THUMPD3: variants seen among roughly 807,000 people sequenced by gnomAD.
THUMPD3 encodes the protein THUMP domain 3 tRNA guanosine methyltransferase.
In THUMPD3, 44 loss-of-function variants were observed where a neutral mutation model predicts 54.5. The observed-to-expected ratio is 0.81, with a 90% CI of 0.63 to 1.04. The LOEUF (loss-of-function observed/expected upper bound fraction) is 1.04, where lower values mean the gene tolerates loss of function less well. Among genes scored for constraint, THUMPD3 ranks in the 50% least tolerant of loss-of-function variants. The probability of loss-of-function intolerance (pLI) is 0.00; values close to 1 mark genes in which losing one functional copy is unlikely to be tolerated. For synonymous variants in THUMPD3, 196 were observed against 201.4 expected (o/e 0.97, Z 0.23); for missense variants, 604 against 601.3 (o/e 1.00, Z -0.05).
intron 4 of THUMPD3, among the ~76,000 whole-genome samples, chr3:9,372,425 C>G (rs2032124858): frequency 1.3e-5 from 2 of 151,824 alleles, no homozygotes; most frequent in Admixed American, 1.3e-4. Flanking sequence ...ACTAAAAATA[C>G]AAAAATTGGC....
rs2033234364 is a variant in THUMPD3 at position 9,384,976 on chromosome 3, CTAGAAA to C, written c.*291_*296del. 6.9e-6 allele frequency: 2 copies of C among 288,312 alleles called. No individual in the cohort carries two copies. The highest frequency in any genetic ancestry group is 8.5e-5 in the South Asian group (2 of 23,428). The allele number at this position is 288,312 out of a possible 1,614,324, so 17.9% of individuals were successfully genotyped here. ...CCAACATGGTGAAACCCTGTCTCTACTAGAAATACAAAAATTAGCCAGGTGTGGTGG... is the reference window on the plus strand; with the variant it reads ...CCAACATGGTGAAACCCTGTCTCTACTACAAAAATTAGCCAGGTGTGGTGG... On this transcript the variant is annotated 3_prime_UTR_variant, in exon 10 of 10. Coordinates refer to ENST00000452837, the MANE Select transcript of THUMPD3 (RefSeq NM_001114092.2).
chr3:9,366,834 T>A (rs2031601938), intron 2 of THUMPD3, 74 bp from the exon 3 acceptor site: 5 of 1,222,248 alleles, frequency 4.1e-6, no homozygotes, highest in Admixed American at 2.4e-5. Flanking sequence ...CCTAATTTTT[T>A]AAATACTTAA....
At chr3:9,364,879 T>C in intron 1 of THUMPD3, 137 bp from the exon 2 acceptor site, 1 of 640,376 alleles carries the variant, frequency 1.6e-6, no homozygotes, top group African/African-American at 1.8e-5. Flanking sequence ...TGCCCATGTT[T>C]ATTCAACCCT....
At chr3:9,379,545 G>A (rs2032719338) in intron 6 of THUMPD3, among the ~76,000 whole-genome samples, 1 of 152,124 alleles carries the variant, frequency 6.6e-6, no homozygotes, top group African/African-American at 2.4e-5. Flanking sequence ...CATTGTTCAG[G>A]CCTAGGGTCA....
intron 3 of THUMPD3, among the ~76,000 whole-genome samples, chr3:9,369,309 C>CAAAAAAAAA (rs779602979): frequency 3.3e-5 from 2 of 60,838 alleles, no homozygotes; most frequent in Non-Finnish European, 2.8e-5. Context: ...GACTCCGTCT[C>CAAAAAAAAA]AAAAAAAAAA....
chr3:9,377,203 CGTGT>C (rs137922488), intron 5 of THUMPD3, among the ~76,000 whole-genome samples: 6 of 148,786 alleles, frequency 4.0e-5, no homozygotes, highest in Admixed American at 6.7e-5. Context: ...TATGCATGAG[CGTGT>C]GTGTGTGTGT....
At position 9,365,309 on chromosome 3, in the gene THUMPD3, A is replaced by G. The variant is rs2031448960; in HGVS notation, c.241A>G (p.Ser81Gly). 1 of 1,614,238 alleles carries G rather than the reference A, an allele frequency of 6.2e-7. No homozygotes were observed. The highest frequency in any genetic ancestry group is 1.7e-5 in the Admixed American group (1 of 60,032). ...GKIYFVISVE[S>G]LAQVHCLRSV... is the part of the protein sequence containing the mutation. ...GATATATTTTGTCATTTCAGTGGAA[A>G]GTCTGGCACAGGTTTGAATGGAGCA... Residue 81 changes from serine to glycine, a missense_variant, in exon 2 of 10, where the codon AGT becomes GGT. Transcript: ENST00000452837.
At chr3:9,384,068 A>C (rs1381024849) in intron 8 of THUMPD3, 144 bp from the exon 9 acceptor site, 5 of 1,035,580 alleles carry the variant, frequency 4.8e-6, no homozygotes, top group African/African-American at 4.8e-5. Flanking sequence ...AACTTATTTC[A>C]TAGACATGTA....
Position 9,377,374 on chromosome 3 carries a change from A to G in THUMPD3, c.939-445A>G, listed in dbSNP as rs553478307. ...CAACATATCATTATAAATTGATTTT[A>G]TTTATTTATTTATTTATTTTTGAGA... is the stretch of plus-strand genomic sequence containing the variant. On this transcript the variant is annotated intron_variant, in intron 5 of 9. Coordinates refer to ENST00000452837, the MANE Select transcript of THUMPD3 (RefSeq NM_001114092.2). 7.9e-5 allele frequency among the ~76,000 whole-genome samples: 12 copies of G among 151,798 alleles called. No homozygotes were observed. In the South Asian group the frequency reaches 2.5e-3, roughly 32 times the overall value.
chr3:9,378,662 G>C (rs1402632264), intron 6 of THUMPD3, among the ~76,000 whole-genome samples: 3 of 152,208 alleles, frequency 2.0e-5, no homozygotes, highest in Admixed American at 6.5e-5. Context: ...TCCAAAGCAA[G>C]CCCACAAGGG....
chr3:9,363,985 T>G (rs1350391446), intron 1 of THUMPD3: 2 of 152,052 alleles, frequency 1.3e-5, no homozygotes, highest in East Asian at 3.9e-4. Context: ...GGTCTCGAAC[T>G]CTTGGCCTCA....
At chr3:9,368,494 C>T (rs113676621) in intron 3 of THUMPD3, among the ~76,000 whole-genome samples, 22 of 151,934 alleles carry the variant, frequency 1.4e-4, no homozygotes, top group African/African-American at 5.1e-4. Flanking sequence ...TCCCGAGTAG[C>T]TGGGACTATA....
chr3:9,370,619 A>AT (rs1054381609), intron 3 of THUMPD3, among the ~76,000 whole-genome samples: 2 of 151,850 alleles, frequency 1.3e-5, no homozygotes, highest in African/African-American at 4.8e-5. Context: ...TAATTTTTGT[A>AT]TTTTTTTGTG....
intron 6 of THUMPD3, among the ~76,000 whole-genome samples, chr3:9,378,400 CTG>C (rs1159621008): frequency 6.6e-6 from 1 of 152,234 alleles, no homozygotes; most frequent in East Asian, 1.9e-4. Context: ...CTCATAAAAA[CTG>C]TGTAAAGCAA....
intron 3 of THUMPD3, among the ~76,000 whole-genome samples, chr3:9,370,580 G>T (rs1231334652): frequency 6.6e-6 from 1 of 152,180 alleles, no homozygotes; most frequent in Non-Finnish European, 1.5e-5. Context: ...GAGTAGCTGG[G>T]ACTACAGGCA....
chr3:9,380,012 A>G (rs891324184), intron 6 of THUMPD3, among the ~76,000 whole-genome samples: 1 of 152,132 alleles, frequency 6.6e-6, no homozygotes, highest in Admixed American at 6.5e-5. Flanking sequence ...TTATTTTGCA[A>G]TTTTCAAATA....
At chr3:9,376,165 A>G (rs1276673852) in intron 5 of THUMPD3, among the ~76,000 whole-genome samples, 1 of 152,234 alleles carries the variant, frequency 6.6e-6, no homozygotes, top group Non-Finnish European at 1.5e-5. Flanking sequence ...AATCAAGTTT[A>G]GGATAAAAAA....
intron 6 of THUMPD3, 144 bp downstream of exon 6, chr3:9,378,032 C>A: frequency 1.5e-6 from 1 of 655,190 alleles, no homozygotes; most frequent in Non-Finnish European, 2.6e-6. Flanking sequence ...GAAAGTGGAA[C>A]TTTTTTGTAA....
chr3:9,365,389 G>C (rs1330472517), intron 2 of THUMPD3, 69 bp downstream of exon 2: 2 of 1,549,872 alleles, frequency 1.3e-6, no homozygotes, highest in Non-Finnish European at 1.8e-6. Context: ...TCATTTTATA[G>C]ACCCTTCTGG....
Sources: gnomAD v4.1 joint callset for allele counts (sites outside exome capture counted in the v4.1 genomes callset) on GRCh38, gnomAD v4.1.1 for gene constraint, MANE v1.5 for transcripts, NCBI Gene and HGNC (gene_info 2026-07-23, HGNC 2026-07-21) for gene names.